ITGB1: variants seen among roughly 807,000 people sequenced by gnomAD.
ITGB1 encodes the protein integrin beta-1.
Under a neutral mutation model 86.5 loss-of-function variants are expected in ITGB1, and 24 were observed. The ratio of observed to expected loss-of-function variants is 0.28; its 90% CI spans 0.20 to 0.39. The LOEUF is 0.39. Ranked by LOEUF, ITGB1 falls within the 10% of genes least tolerant of loss-of-function variation. The pLI is 1.00. For synonymous variants in ITGB1, 323 were observed against 316.8 expected, an observed-to-expected ratio of 1.02 and a Z score of -0.21; for missense variants, 556 against 946.9, an observed-to-expected ratio of 0.59 and a Z score of 5.42.
intron 9 of ITGB1, among the ~76,000 whole-genome samples, chr10:32,921,933 T>C (rs940917603): frequency 6.6e-6 from 1 of 152,122 alleles, no homozygotes; most frequent in Non-Finnish European, 1.5e-5. Flanking sequence ...AGGAAAAAGA[T>C]TGGAGAAATC....
intron 1 of ITGB1, among the ~76,000 whole-genome samples, chr10:32,941,861 TAAAG>T (rs932562551): frequency 3.9e-5 from 6 of 152,056 alleles, no homozygotes; most frequent in African/African-American, 1.4e-4. Context: ...CACTTTAAAA[TAAAG>T]AAGATGTACG....
intron 1 of ITGB1, chr10:32,935,791 A>G: frequency 2.5e-6 from 1 of 404,090 alleles, no homozygotes. Flanking sequence ...CCCAGAATCC[A>G]TTCGTGCCTT....
At chr10:32,934,053 T>C (rs948541054) in intron 2 of ITGB1, among the ~76,000 whole-genome samples, 20 of 152,142 alleles carry the variant, frequency 1.3e-4, no homozygotes, top group Non-Finnish European at 1.0e-4. Flanking sequence ...ATATAAACCT[T>C]AGTACACATC....
At chr10:32,925,561 G>C (rs959749369) in intron 6 of ITGB1, among the ~76,000 whole-genome samples, 1 of 152,120 alleles carries the variant, frequency 6.6e-6, no homozygotes, top group Non-Finnish European at 1.5e-5. Flanking sequence ...GGACACATGG[G>C]CTTTTCTAAA....
chr10:32,937,862 G>A (rs1464687011), intron 1 of ITGB1, among the ~76,000 whole-genome samples: 1 of 152,178 alleles, frequency 6.6e-6, no homozygotes, highest in Non-Finnish European at 1.5e-5. Flanking sequence ...AAAGTTCACT[G>A]AATTCCAAGT....
Position 32,928,104 on chromosome 10 carries a change from G to A in ITGB1, c.537C>T (p.Asp179=). The A allele has an allele frequency of 1.9e-6, 3 of 1,578,684 alleles. No individual in the cohort carries two copies. The highest frequency in any genetic ancestry group is 2.6e-6 in the Non-Finnish European group (3 of 1,156,452). ...LMNEMRRITS[D]FRIGFGSFVE... ...TCCCAACATTCCTACCAATTCTGAA[G>A]TCCGAAGTAATCCTCCTCATTTCAT... is the stretch of plus-strand genomic sequence containing the variant. Residue 179 remains aspartate, a synonymous_variant, in exon 5 of 16, where the codon GAC becomes GAT. Transcript: ENST00000302278.
At chr10:32,939,337 T>C (rs145835646) in intron 1 of ITGB1, among the ~76,000 whole-genome samples, 2 of 152,366 alleles carry the variant, frequency 1.3e-5, no homozygotes, top group East Asian at 3.9e-4. Context: ...CTGGTCTCCA[T>C]TTCCTACCTA....
At chr10:32,904,290 A>C (rs921269174) in intron 15 of ITGB1, among the ~76,000 whole-genome samples, 1 of 152,144 alleles carries the variant, frequency 6.6e-6, no homozygotes, top group African/African-American at 2.4e-5. Flanking sequence ...CACCCCAAAA[A>C]AACCCGCAGC....
intron 1 of ITGB1, among the ~76,000 whole-genome samples, chr10:32,938,783 G>T (rs534994303): frequency 6.6e-6 from 1 of 152,200 alleles, no homozygotes; most frequent in Admixed American, 6.5e-5. Context: ...TGTAAAAGGC[G>T]AGGCTTTCTC....
Position 32,911,967 on chromosome 10 carries a change from T to G in ITGB1, c.1627A>C (p.Asn543His), listed in dbSNP as rs377042646. The change falls in exon 12 of 16, where the codon AAT (asparagine) becomes CAT (histidine). Residue 543 changes from asparagine (N) to histidine (H), a missense_variant. Physicochemically the swap from Asn to His is moderately conservative, Grantham distance 68 (BLOSUM62 1). Coordinates refer to ENST00000302278, the MANE Select transcript of ITGB1 (RefSeq NM_002211.4). ...CGQCVCRKRD[N>H]TNEIYSGKFC... Reference sequence around the variant, plus strand: ...TTGCCAGAATAAATTTCATTTGTATTATCCCTCTTCCTACAAACACACTGT... The same window carrying G: ...TTGCCAGAATAAATTTCATTTGTATGATCCCTCTTCCTACAAACACACTGT... The G allele has an allele frequency of 6.2e-7, 1 of 1,614,152 alleles. No homozygotes were observed.
intron 1 of ITGB1, among the ~76,000 whole-genome samples, chr10:32,954,071 C>T (rs1012720631): frequency 1.3e-5 from 2 of 152,166 alleles, no homozygotes; most frequent in African/African-American, 4.8e-5. Flanking sequence ...TTGGTGTTTG[C>T]ATGCACAGCC....
At chr10:32,918,644 T>C (rs1338894682) in intron 11 of ITGB1, among the ~76,000 whole-genome samples, 4 of 152,138 alleles carry the variant, frequency 2.6e-5, no homozygotes, top group African/African-American at 9.7e-5. Context: ...AAATGTAATC[T>C]AGCAATGAAT....
chr10:32,930,186 T>TTTTAAA, intron 3 of ITGB1, 142 bp from the exon 4 acceptor site: 1 of 610,254 alleles, frequency 1.6e-6, no homozygotes. Context: ...AACAAAATGC[T>TTTTAAA]CCCTTCATCC....
rs1000798133 is a variant in ITGB1 at position 32,928,964 on chromosome 10, T to C, written c.377-700A>G. ...CTCTATATAGATTTCTAATAGGCAA[T>C]TGGAGAAATGGGTTTGGAGCTCAAG... On this transcript the variant is annotated intron_variant, in intron 4 of 15. Transcript: ENST00000302278. 3.3e-5 allele frequency among the ~76,000 whole-genome samples: 5 copies of C among 152,046 alleles called. No individual in the cohort carries two copies. In the South Asian group the frequency reaches 6.2e-4, roughly 19 times the overall value.
intron 1 of ITGB1, chr10:32,953,605 C>G (rs2095046825): frequency 6.6e-6 from 1 of 151,804 alleles, no homozygotes. Flanking sequence ...CAGGCAGCAG[C>G]TATCCTCCAA....
Position 32,929,904 on chromosome 10 carries a change from A to G in ITGB1, c.294T>C (p.Arg98=), listed in dbSNP as rs2094977536. 6.2e-7 allele frequency: 1 copy of G among 1,611,532 alleles called. No individual in the cohort carries two copies. Among genetic ancestry groups the G allele is most frequent in the Admixed American group, 1.7e-5 (1 of 59,998 alleles). The part of the protein sequence containing the change: ...DIKKNKNVTN[R]SKGTAEKLKP... ...TGAGCTTCTCTGCTGTTCCTTTGCT[A>G]CGGTTGGTTACATTTTTATTTTTCT... Residue 98 remains arginine (R), a synonymous_variant, in exon 4 of 16, where the codon CGT becomes CGC. Coordinates refer to ENST00000302278, the MANE Select transcript of ITGB1 (RefSeq NM_002211.4).
At chr10:32,919,798 G>A (rs948857459) in intron 11 of ITGB1, 87 bp downstream of exon 11, 1 of 1,146,862 alleles carries the variant, frequency 8.7e-7, no homozygotes, top group South Asian at 1.3e-5. Flanking sequence ...CAAATAGAGA[G>A]ATATTCTCTG....
At chr10:32,953,592 C>T (rs761657405) in intron 1 of ITGB1, 24 of 151,456 alleles carry the variant, frequency 1.6e-4, no homozygotes, top group Admixed American at 6.6e-4. Context: ...ACTCTACTTA[C>T]ATCAGGCAGC....
chr10:32,923,085 C>T (rs1234371216), intron 7 of ITGB1, among the ~76,000 whole-genome samples: 1 of 152,052 alleles, frequency 6.6e-6, no homozygotes, highest in Non-Finnish European at 1.5e-5. Flanking sequence ...AATATAAGGA[C>T]AATGAAATTA....
Sources: allele counts gnomAD v4.1 joint callset (sites outside exome capture counted in the v4.1 genomes callset), GRCh38; gene constraint gnomAD v4.1.1; transcripts MANE v1.5; gene names NCBI Gene and HGNC (gene_info 2026-07-23, HGNC 2026-07-21).